Variants in ATR observed in about 807,000 individuals in gnomAD.
The protein encoded by ATR is ATR checkpoint kinase, also known as serine/threonine-protein kinase ATR.
Under a neutral mutation model 305.3 loss-of-function variants are expected in ATR, and 142 were observed. The observed-to-expected ratio is 0.47, with a 90% CI of 0.41 to 0.53. ATR has a LOEUF of 0.53. Ranked by LOEUF, ATR falls within the 20% of genes least tolerant of loss-of-function variation. The probability of loss-of-function intolerance (pLI) is 0.00; values close to 1 mark genes in which losing one functional copy is unlikely to be tolerated. For missense variants in ATR, 2,135 were observed against 3,133.1 expected, an observed-to-expected ratio of 0.68 and a Z score of 7.60; for synonymous variants, 1,050 against 1,068.1, an observed-to-expected ratio of 0.98 and a Z score of 0.33.
At chr3:142,451,884 G>T (rs2070799036) in intron 46 of ATR, 1 of 1,315,720 alleles carries the variant, frequency 7.6e-7, no homozygotes, top group Non-Finnish European at 1.0e-6. Context: ...GTTTTAACAG[G>T]TTCAAGAACT....
intron 34 of ATR, among the ~76,000 whole-genome samples, chr3:142,494,901 G>C (rs1161948575): frequency 6.6e-6 from 1 of 152,170 alleles, no homozygotes; most frequent in Non-Finnish European, 1.5e-5. Context: ...ATCCTAAAAT[G>C]GTTGTTAATA....
intron 3 of ATR, among the ~76,000 whole-genome samples, chr3:142,565,560 A>T (rs2035037542): frequency 6.6e-6 from 1 of 151,956 alleles, no homozygotes; most frequent in Admixed American, 6.6e-5. Flanking sequence ...ACAGACAATA[A>T]GTAAAAGAAT....
intron 8 of ATR, 34 bp downstream of exon 8, chr3:142,558,590 A>G (rs1215911043): frequency 6.3e-7 from 1 of 1,575,260 alleles, no homozygotes; most frequent in East Asian, 2.3e-5. Flanking sequence ...AGATAAATAA[A>G]ACAAACCACA....
At chr3:142,487,374 C>T (rs2031009043) in intron 35 of ATR, among the ~76,000 whole-genome samples, 1 of 152,136 alleles carries the variant, frequency 6.6e-6, no homozygotes, top group Admixed American at 6.5e-5. Flanking sequence ...TCAGCTCAAG[C>T]AATCCGCCTG....
chr3:142,469,975 A>C, intron 37 of ATR, 111 bp downstream of exon 37: 1 of 809,862 alleles, frequency 1.2e-6, no homozygotes, highest in Admixed American at 2.4e-5. Flanking sequence ...TAATATCTTA[A>C]TTATCAAATT....
Position 142,461,976 on chromosome 3 carries a change from A to G in ATR, c.7156T>C (p.Leu2386=), listed in dbSNP as rs987067394. The G allele has an allele frequency of 1.2e-6, 2 of 1,613,570 alleles. No homozygotes were observed. Among genetic ancestry groups the G allele is most frequent in the African/African-American group, 2.7e-5 (2 of 74,928 alleles). ...TATAGTTTGGTCAGAATAGGTCTCAAACCAGCAGTGTTGTTCACCCATTCA... is the reference window on the plus strand; with the variant it reads ...TATAGTTTGGTCAGAATAGGTCTCAGACCAGCAGTGTTGTTCACCCATTCA... ...IIEWVNNTAG[L]RPILTKLYKE... is the part of the protein sequence containing the mutation. The change falls in exon 42 of 47, where the codon TTG becomes CTG. Residue 2386 remains leucine, a synonymous_variant. Transcript: ENST00000350721.
At chr3:142,561,664 A>C (rs74472076) in intron 4 of ATR, among the ~76,000 whole-genome samples, 1 of 152,236 alleles carries the variant, frequency 6.6e-6, no homozygotes, top group East Asian at 1.9e-4. Context: ...CCTCTTACCA[A>C]AATGCTATAA....
intron 23 of ATR, 77 bp downstream of exon 23, chr3:142,522,651 T>C (rs755885245): frequency 1.3e-5 from 16 of 1,235,168 alleles, no homozygotes; most frequent in Middle Eastern, 1.9e-4. Flanking sequence ...AAAAAGGAGT[T>C]TCACAAGTAT....
chr3:142,521,573 A>T (rs2033148269), intron 23 of ATR, among the ~76,000 whole-genome samples: 1 of 152,238 alleles, frequency 6.6e-6, no homozygotes. Context: ...ATGATTCATG[A>T]GAAGTCAAAA....
chr3:142,463,936 T>C (rs760583402), intron 41 of ATR, among the ~76,000 whole-genome samples: 70 of 152,176 alleles, frequency 4.6e-4, no homozygotes, highest in Non-Finnish European at 7.1e-4. Context: ...TTCCACAGTA[T>C]AGATCAATTT....
chr3:142,478,353 T>C (rs1363611044), intron 36 of ATR, among the ~76,000 whole-genome samples: 1 of 152,228 alleles, frequency 6.6e-6, no homozygotes, highest in Non-Finnish European at 1.5e-5. Context: ...ATGTACCCAG[T>C]AGTCATTCAG....
intron 29 of ATR, among the ~76,000 whole-genome samples, chr3:142,504,725 A>G (rs1187956694): frequency 6.6e-6 from 1 of 152,204 alleles, no homozygotes; most frequent in Non-Finnish European, 1.5e-5. Flanking sequence ...TGGTCTCCCA[A>G]AGTGCTGGGA....
chr3:142,530,066 A>T (rs1216495964), intron 21 of ATR, among the ~76,000 whole-genome samples: 1 of 152,066 alleles, frequency 6.6e-6, no homozygotes, highest in Admixed American at 6.5e-5. Flanking sequence ...AATCTTTGCC[A>T]ATCTTCCATT....
intron 39 of ATR, among the ~76,000 whole-genome samples, chr3:142,467,206 T>C (rs1429423856): frequency 6.6e-6 from 1 of 152,122 alleles, no homozygotes; most frequent in East Asian, 1.9e-4. Flanking sequence ...ATTAAAGAAC[T>C]TCTCTCTCCC....
At position 142,535,209 on chromosome 3, in the gene ATR, TATAC is replaced by T. The variant is rs748732604; in HGVS notation, c.3820-8_3820-5del. ...GATCAGTGCTCTCAGAGGTCTCCTA[TATAC>T]AAAGCACAGAGAGACAGAACTTATT... On this transcript the variant is annotated splice_polypyrimidine_tract_variant and splice_region_variant and intron_variant, in intron 20 of 46. Transcript: ENST00000350721. 6 of 1,613,002 alleles carry T rather than the reference TATAC, an allele frequency of 3.7e-6. No homozygotes were observed. In the East Asian group the frequency reaches 1.3e-4, roughly 36 times the overall value.
intron 3 of ATR, among the ~76,000 whole-genome samples, chr3:142,563,530 G>C (rs891413424): frequency 6.6e-6 from 1 of 152,162 alleles, no homozygotes; most frequent in Admixed American, 6.5e-5. Context: ...CCGATATAAG[G>C]TGGCAAACTT....
intron 13 of ATR, among the ~76,000 whole-genome samples, chr3:142,550,739 G>C (rs2034442926): frequency 6.6e-6 from 1 of 151,872 alleles, no homozygotes; most frequent in African/African-American, 2.4e-5. Flanking sequence ...AAAATGGCAA[G>C]ATTTCAGTTA....
chr3:142,556,004 C>T lies in ATR; in HGVS notation c.2214G>A (p.Val738=), dbSNP rs2108471030. Residue 738 remains valine (V), a synonymous_variant, in exon 10 of 47, where the codon GTG becomes GTA. Transcript: ENST00000350721. ...CTTTCAAGTTCCTACAGAAGAGGTC[C>T]ACATGTCCGTGTTCAGAGAAAGGTT... ...LTEPFSEHGH[V]DLFCRNLKAT... 1 of 1,613,902 alleles carries T rather than the reference C, an allele frequency of 6.2e-7. No individual in the cohort carries two copies. The highest frequency in any genetic ancestry group is 8.5e-7 in the Non-Finnish European group (1 of 1,179,962).
chr3:142,556,090 T>C lies in ATR; in HGVS notation c.2128A>G (p.Ile710Val), dbSNP rs151033656. The change falls in exon 10 of 47, where the codon ATA becomes GTA. Residue 710 changes from isoleucine to valine, a missense_variant. By Grantham distance (29) the Ile-to-Val change is conservative. Around this residue, in one of 9 missense-constraint regions of ATR, gnomAD observed 744 missense variants for 873.2 expected, o/e 0.85. Coordinates refer to ENST00000350721, the MANE Select transcript of ATR (RefSeq NM_001184.4). ...AGAGTACAGACAAGTTGACCAAGTA[T>C]AGAAGCAAATTCTTTCTTGACAATG... ...SDIVKKEFAS[I>V]LGQLVCTLHG... is the part of the protein sequence containing the mutation. 3.1e-6 allele frequency: 5 copies of C among 1,613,410 alleles called. No homozygotes were observed. The highest frequency in any genetic ancestry group is 1.3e-5 in the African/African-American group (1 of 74,924).
Sources: gnomAD v4.1 joint callset for allele counts (sites outside exome capture counted in the v4.1 genomes callset) on GRCh38, gnomAD v4.1.1 for gene constraint, gnomAD v4.1.1 regional missense constraint, MANE v1.5 for transcripts, NCBI Gene and HGNC (gene_info 2026-07-23, HGNC 2026-07-21) for gene names.